COX18: variants seen among roughly 807,000 people sequenced by gnomAD.
The protein encoded by COX18 is cytochrome c oxidase assembly protein COX18, mitochondrial.
Under a neutral mutation model 38.0 loss-of-function variants are expected in COX18, and 45 were observed. The ratio of observed to expected loss-of-function variants is 1.18; its 90% CI spans 0.93 to 1.52. COX18 has a LOEUF of 1.52. COX18 is among the 40% of genes most tolerant of loss of function. The pLI, the probability that COX18 is intolerant of heterozygous loss-of-function variation, is 0.00. For synonymous variants in COX18, 177 were observed against 169.8 expected (o/e 1.04, Z -0.33); for missense variants, 462 against 423.8 (o/e 1.09, Z -0.79).
At chr4:73,064,427 A>T (rs1277870770) in intron 4 of COX18, among the ~76,000 whole-genome samples, 2 of 152,220 alleles carry the variant, frequency 1.3e-5, no homozygotes, top group African/African-American at 2.4e-5. Context: ...TTAAACACAC[A>T]CACGGAACAT....
intron 2 of COX18, among the ~76,000 whole-genome samples, chr4:73,065,673 T>C (rs1720414826): frequency 6.6e-6 from 1 of 152,226 alleles, no homozygotes; most frequent in Non-Finnish European, 1.5e-5. Context: ...TGGTGGTCTT[T>C]GGCTGATTAG....
At chr4:73,058,333 A>G in intron 5 of COX18, 46 bp from the exon 6 acceptor site, 1 of 1,375,134 alleles carries the variant, frequency 7.3e-7, no homozygotes. Context: ...TTCTACAAGG[A>G]CATCACAGTC....
rs892379424 is a variant in COX18, at chr4:73,069,678, G to A, written c.-29C>T. On this transcript the variant is annotated 5_prime_UTR_variant, in exon 1 of 6. Transcript: ENST00000507544. ...TGCACCACGGCGGAGCCCAGATCCC[G>A]GGCCTCACAATCCAGCGGACATACA... 5.2e-6 allele frequency: 8 copies of A among 1,535,002 alleles called. No individual in the cohort carries two copies. The South Asian group carries it at 5.9e-5, about 11-fold the overall frequency.
In COX18 at chr4:73,069,417, G is replaced by A. The variant is rs773843778; in HGVS notation, c.233C>T (p.Thr78Met). The A allele has an allele frequency of 1.3e-6, 2 of 1,572,440 alleles. No individual in the cohort carries two copies. The highest frequency in any genetic ancestry group is 1.9e-5 in the Admixed American group (1 of 53,902). ...AATGCTGCCCCACCAGGGCAGGCCC[G>A]TGGCGGCGTGCACGCCGAGCAGTAC... is the stretch of plus-strand genomic sequence containing the variant. ...EEVLLGVHAATGLPWWGSILL... is the reference protein window; with the variant it reads ...EEVLLGVHAAMGLPWWGSILL... The change falls in exon 1 of 6, where the codon ACG (threonine) becomes ATG (methionine). Residue 78 changes from threonine to methionine, a missense_variant. Thr to Met is a moderately conservative substitution (Grantham distance 81). Coordinates refer to ENST00000507544, the MANE Select transcript of COX18 (RefSeq NM_001297732.2).
intron 3 of COX18, 64 bp from the exon 4 acceptor site, chr4:73,064,966 C>T (rs1441216541): frequency 6.7e-7 from 1 of 1,487,870 alleles, no homozygotes; most frequent in Non-Finnish European, 9.3e-7. Context: ...ATATATAAGA[C>T]ATAAATAAGT....
rs542888661 is a variant in COX18, at chr4:73,052,762, C to T, written c.*5352G>A. On this transcript the variant is annotated 3_prime_UTR_variant, in exon 6 of 6. Coordinates refer to ENST00000507544, the MANE Select transcript of COX18 (RefSeq NM_001297732.2). ...TAGCTTTAATACAGAAATCTAAATTCTTGCATGGTTTCAGATGTTATGCCT... is the reference window on the plus strand; with the variant it reads ...TAGCTTTAATACAGAAATCTAAATTTTTGCATGGTTTCAGATGTTATGCCT... 6.6e-6 allele frequency: 1 copy of T among 152,114 alleles called. No homozygotes were observed. Among genetic ancestry groups the T allele is most frequent in the African/African-American group, 2.4e-5 (1 of 41,412 alleles). The allele number at this position is 152,114 out of a possible 1,614,324, so 9.4% of individuals were successfully genotyped here.
Position 73,065,364 on chromosome 4 carries a change from G to A in COX18, c.484C>T (p.Arg162Ter), listed in dbSNP as rs535850949. Residue 162 changes from arginine (R) to a stop codon, truncating the protein, a stop_gained, in exon 3 of 6, where the codon CGA (arginine) becomes TGA (stop). Transcript: ENST00000507544. LOFTEE classifies it high-confidence loss of function. ...MRRLISELYV[R>*]DNCHPFKATV... ...GCTTTGAAAGGGTGGCAGTTATCTC[G>A]CACATATAGCTCTGAAATTAGCCTC... The A allele has an allele frequency of 1.5e-5, 25 of 1,613,560 alleles. No individual in the cohort carries two copies. Among genetic ancestry groups the A allele is most frequent in the Middle Eastern group, 1.7e-4 (1 of 6,060 alleles).
chr4:73,065,131 A>T (rs1350693153), intron 3 of COX18, 119 bp downstream of exon 3: 2 of 1,041,716 alleles, frequency 1.9e-6, no homozygotes, highest in Admixed American at 2.7e-5. Flanking sequence ...CTATACCCTT[A>T]TAAGGAAGAT....
At chr4:73,063,538 C>T (rs562122660) in intron 4 of COX18, among the ~76,000 whole-genome samples, 34 of 152,250 alleles carry the variant, frequency 2.2e-4, no homozygotes, top group Admixed American at 1.2e-3. Context: ...TAGAGGCGCA[C>T]GCCACCATGC....
At position 73,069,578 on chromosome 4, in the gene COX18, C is replaced by A. The variant is rs1470681034; in HGVS notation, c.72G>T (p.Pro24=). The A allele has an allele frequency of 6.4e-7, 1 of 1,561,014 alleles. No individual in the cohort carries two copies. Among genetic ancestry groups the A allele is most frequent in the Non-Finnish European group, 8.7e-7 (1 of 1,154,254 alleles). The part of the protein sequence containing the change: ...PALQLWARDL[P]LAPVPTSGAK... ...CGCCGCTCGTAGGAACCGGCGCAAG[C>A]GGCAGGTCCCTAGCCCAAAGCTGCA... The change falls in exon 1 of 6, where the codon CCG becomes CCT. Residue 24 remains proline (P), a synonymous_variant. Coordinates refer to ENST00000507544, the MANE Select transcript of COX18 (RefSeq NM_001297732.2).
chr4:73,069,012 T>C (rs1271999158), intron 1 of COX18, among the ~76,000 whole-genome samples: 2 of 152,380 alleles, frequency 1.3e-5, no homozygotes, highest in Admixed American at 1.3e-4. Flanking sequence ...CAATTTCTTC[T>C]GCGACTGATT....
At chr4:73,059,505 C>T (rs1720048074) in intron 5 of COX18, among the ~76,000 whole-genome samples, 1 of 152,164 alleles carries the variant, frequency 6.6e-6, no homozygotes, top group Non-Finnish European at 1.5e-5. Context: ...GGGCAGAAAG[C>T]AGCACATCCT....
Position 73,062,935 on chromosome 4 carries a change from G to A in COX18, c.724-1015C>T, listed in dbSNP as rs1720249395. Reference sequence around the variant, plus strand: ...TACATTTTTATGCCTCACTTTCTCTGCATTAAAAAAGGATAATATTTAGCT... The same window carrying A: ...TACATTTTTATGCCTCACTTTCTCTACATTAAAAAAGGATAATATTTAGCT... On this transcript the variant is annotated intron_variant, in intron 4 of 5. Transcript: ENST00000507544. 2.6e-5 allele frequency among the ~76,000 whole-genome samples: 4 copies of A among 151,944 alleles called. No individual in the cohort carries two copies. The South Asian group carries it at 8.3e-4, about 31-fold the overall frequency.
At chr4:73,064,247 C>T (rs952225911) in intron 4 of COX18, among the ~76,000 whole-genome samples, 14 of 123,324 alleles carry the variant, frequency 1.1e-4, no homozygotes, top group Admixed American at 7.1e-4. Flanking sequence ...GAGCAAAACT[C>T]CATCTCAAAA....
rs147780267 is a variant in COX18 at position 73,063,518 on chromosome 4, T to C, written c.723+1260A>G. Among the ~76,000 whole-genome samples, 427 of 152,286 alleles carry C rather than the reference T, an allele frequency of 2.8e-3. 1 individual carries two copies. The highest frequency in any genetic ancestry group is 0.01 in the Middle Eastern group (3 of 292). On this transcript the variant is annotated intron_variant, in intron 4 of 5. Coordinates refer to ENST00000507544, the MANE Select transcript of COX18 (RefSeq NM_001297732.2). ...CAATCCTCCTGACTCAGCTTCCAAGTAGCTGGAACTAGAGGCGCACGCCAC... is the reference window on the plus strand; with the variant it reads ...CAATCCTCCTGACTCAGCTTCCAAGCAGCTGGAACTAGAGGCGCACGCCAC...
chr4:73,063,379 C>T (rs930270726), intron 4 of COX18, among the ~76,000 whole-genome samples: 9 of 152,150 alleles, frequency 5.9e-5, no homozygotes, highest in African/African-American at 1.7e-4. Flanking sequence ...TAAGAATAAG[C>T]TTTTAATAAG....
chr4:73,067,864 A>AAAAAATAT, intron 2 of COX18, among the ~76,000 whole-genome samples, 165 bp downstream of exon 2: 6 of 20,016 alleles, frequency 3.0e-4, no homozygotes, highest in African/African-American at 3.6e-4. Context: ...AAAAAAAAAA[A>AAAAAATAT]ATATATATAT....
intron 2 of COX18, among the ~76,000 whole-genome samples, chr4:73,066,748 G>A (rs1720465334): frequency 6.6e-6 from 1 of 152,086 alleles, no homozygotes; most frequent in Non-Finnish European, 1.5e-5. Flanking sequence ...TCTTTGATAA[G>A]TAAAATTTCA....
At position 73,053,774 on chromosome 4, in the gene COX18, G is replaced by A. The variant is rs1358871844; in HGVS notation, c.*4340C>T. 1 of 152,136 alleles carries A rather than the reference G, an allele frequency of 6.6e-6. No individual in the cohort carries two copies. The highest frequency in any genetic ancestry group is 1.5e-5 in the Non-Finnish European group (1 of 68,020). The allele number at this position is 152,136 out of a possible 1,614,324, so 9.4% of individuals were successfully genotyped here. A position where few individuals can be genotyped will look rare whatever the true frequency, so the allele number is the denominator to read the frequency against. ...GTCAGGGTGGCAATTAAGAATTTTG[G>A]TTTTCCTTTGTAAGCCTCATCTTCC... On this transcript the variant is annotated 3_prime_UTR_variant, in exon 6 of 6. Coordinates refer to ENST00000507544, the MANE Select transcript of COX18 (RefSeq NM_001297732.2).
Sources: allele counts gnomAD v4.1 joint callset (sites outside exome capture counted in the v4.1 genomes callset), GRCh38; gene constraint gnomAD v4.1.1; transcripts MANE v1.5; gene names NCBI Gene and HGNC (gene_info 2026-07-23, HGNC 2026-07-21).